The following FHIT variants were observed in gnomAD, a reference collection of about 807,000 sequenced individuals.
FHIT encodes bis(5'-adenosyl)-triphosphatase.
In FHIT, 19 loss-of-function variants were observed where a neutral mutation model predicts 17.9. The ratio of observed to expected loss-of-function variants is 1.06; its 90% CI spans 0.74 to 1.56. The LOEUF (loss-of-function observed/expected upper bound fraction) is 1.56, where lower values mean the gene tolerates loss of function less well. Ranked by LOEUF, FHIT falls within the 40% of genes most tolerant of loss-of-function variation. The pLI, the probability that FHIT is intolerant of heterozygous loss-of-function variation, is 0.00. For missense variants in FHIT, 248 were observed against 189.2 expected (o/e 1.31, Z -1.82); for synonymous variants, 81 against 69.7 (o/e 1.16, Z -0.81).
intron 5 of FHIT, among the ~76,000 whole-genome samples, chr3:60,339,988 C>T (rs1301790553): frequency 6.6e-6 from 1 of 152,108 alleles, no homozygotes. Flanking sequence ...GGTTTTGACA[C>T]CTCTGGTTTG....
intron 2 of FHIT, among the ~76,000 whole-genome samples, chr3:61,076,079 A>C (rs2106757780): frequency 6.6e-6 from 1 of 152,252 alleles, no homozygotes; most frequent in Non-Finnish European, 1.5e-5. Context: ...AGACTAAATG[A>C]TTACCTAAGG....
chr3:60,481,823 C>A (rs2033622154), intron 5 of FHIT, among the ~76,000 whole-genome samples: 1 of 152,052 alleles, frequency 6.6e-6, no homozygotes. Context: ...TCACACATAA[C>A]AATACGAACC....
In FHIT at chr3:60,706,203, T is replaced by C. The variant is rs534924958; in HGVS notation, c.-18+115716A>G. Among the ~76,000 whole-genome samples the C allele has an allele frequency of 1.3e-4, 16 of 121,340 alleles. No individual in the cohort carries two copies. The South Asian group carries it at 3.7e-3, about 28-fold the overall frequency. 79.6% of individuals were successfully genotyped at this position (121,340 alleles called of 152,430 possible). Reference sequence around the variant, plus strand: ...GTGGGAATTGAACAATGAGAACACATGGACACAGGGAGGGGAACATCACAC... The same window carrying C: ...GTGGGAATTGAACAATGAGAACACACGGACACAGGGAGGGGAACATCACAC... On this transcript the variant is annotated intron_variant, in intron 4 of 9. Coordinates refer to ENST00000492590, the MANE Select transcript of FHIT (RefSeq NM_002012.4).
intron 4 of FHIT, among the ~76,000 whole-genome samples, chr3:60,612,771 G>A (rs929686401): frequency 5.3e-5 from 8 of 152,276 alleles, no homozygotes; most frequent in African/African-American, 1.7e-4. Flanking sequence ...ATAAACAAAT[G>A]CATGCCACAC....
chr3:59,824,763 G>A (rs1186300795), intron 8 of FHIT, among the ~76,000 whole-genome samples: 1 of 152,178 alleles, frequency 6.6e-6, no homozygotes, highest in African/African-American at 2.4e-5. Context: ...AAATCAATAT[G>A]TTCAAAGTAG....
intron 3 of FHIT, among the ~76,000 whole-genome samples, chr3:60,964,496 G>A (rs536286441): frequency 6.6e-5 from 10 of 152,108 alleles, no homozygotes; most frequent in South Asian, 6.2e-4. Context: ...TGGTTATTTC[G>A]CCCATTAGTT....
intron 1 of FHIT, among the ~76,000 whole-genome samples, chr3:61,204,828 TTTA>T (rs886353415): frequency 2.0e-5 from 3 of 152,102 alleles, no homozygotes; most frequent in Admixed American, 6.6e-5. Flanking sequence ...TTTTTAAAAT[TTTA>T]TTATTATTAT....
intron 8 of FHIT, among the ~76,000 whole-genome samples, chr3:59,916,796 T>C (rs1575691786): frequency 6.6e-6 from 1 of 152,308 alleles, no homozygotes; most frequent in East Asian, 1.9e-4. Flanking sequence ...TTGTTAGTTT[T>C]ATCACATCTG....
intron 5 of FHIT, among the ~76,000 whole-genome samples, chr3:60,084,496 A>G (rs1475993014): frequency 1.3e-5 from 2 of 152,198 alleles, no homozygotes; most frequent in African/African-American, 4.8e-5. Context: ...GTGGAAAAAC[A>G]TAATTATATA....
intron 5 of FHIT, among the ~76,000 whole-genome samples, chr3:60,177,898 T>C (rs1222085717): frequency 6.6e-6 from 1 of 152,204 alleles, no homozygotes; most frequent in East Asian, 1.9e-4. Context: ...GAGGAGATAA[T>C]GTACTTCAAG....
intron 5 of FHIT, among the ~76,000 whole-genome samples, chr3:60,188,671 C>T (rs1702269013): frequency 6.6e-6 from 1 of 152,116 alleles, no homozygotes; most frequent in South Asian, 2.1e-4. Context: ...CTTTACATTG[C>T]ATCATAATAT....
intron 3 of FHIT, among the ~76,000 whole-genome samples, chr3:60,930,963 C>A (rs1391329618): frequency 6.6e-6 from 1 of 152,226 alleles, no homozygotes; most frequent in Non-Finnish European, 1.5e-5. Context: ...TGGAACCGAC[C>A]CAAATGTCCA....
intron 4 of FHIT, chr3:60,690,229 AG>A: frequency 1.9e-6 from 1 of 518,476 alleles, no homozygotes; most frequent in Non-Finnish European, 3.7e-6. Flanking sequence ...AACTTATTAG[AG>A]CTGTCCACAG....
chr3:60,858,141 CA>C (rs1553750453), intron 3 of FHIT, among the ~76,000 whole-genome samples: 2 of 152,216 alleles, frequency 1.3e-5, no homozygotes, highest in African/African-American at 4.8e-5. Context: ...GGTGTGTATG[CA>C]ATGAACACTT....
chr3:60,934,887 C>G (rs1331881969), intron 3 of FHIT, among the ~76,000 whole-genome samples: 1 of 152,086 alleles, frequency 6.6e-6, no homozygotes, highest in Non-Finnish European at 1.5e-5. Flanking sequence ...GTAACAAATG[C>G]CAGATGAGTA....
At chr3:61,227,818 A>G (rs1335100664) in intron 1 of FHIT, among the ~76,000 whole-genome samples, 1 of 152,128 alleles carries the variant, frequency 6.6e-6, no homozygotes, top group East Asian at 1.9e-4. Context: ...CTAAAGCCCG[A>G]GTGTGATGTT....
chr3:60,590,165 C>G (rs190111124), intron 4 of FHIT, among the ~76,000 whole-genome samples: 24 of 151,920 alleles, frequency 1.6e-4, no homozygotes, highest in Admixed American at 1.6e-3. Flanking sequence ...ATATTATGAA[C>G]CAAATTTTTC....
At chr3:61,009,231 GAGC>G (rs1292640068) in intron 3 of FHIT, among the ~76,000 whole-genome samples, 1 of 152,202 alleles carries the variant, frequency 6.6e-6, no homozygotes, top group African/African-American at 2.4e-5. Flanking sequence ...GGAACAGGAA[GAGC>G]AGCAGGGGTG....
intron 8 of FHIT, among the ~76,000 whole-genome samples, chr3:59,755,111 G>A (rs189073972): frequency 5.3e-5 from 8 of 149,730 alleles, no homozygotes; most frequent in Admixed American, 4.0e-4. Context: ...GAAAGAATCC[G>A]CTTGCCTTTA....
Sources: gnomAD v4.1 joint callset for allele counts (sites outside exome capture counted in the v4.1 genomes callset) on GRCh38, gnomAD v4.1.1 for gene constraint, MANE v1.5 for transcripts, NCBI Gene and HGNC (gene_info 2026-07-23, HGNC 2026-07-21) for gene names.